DAB1: variants seen among roughly 807,000 people sequenced by gnomAD.
The protein encoded by DAB1 is DAB adaptor protein 1, also known as disabled homolog 1.
Under a neutral mutation model 64.6 loss-of-function variants are expected in DAB1, and 15 were observed. That is an observed-to-expected ratio of 0.23 (90% CI 0.16 to 0.36). The LOEUF (loss-of-function observed/expected upper bound fraction) is 0.36. DAB1 is among the 10% of genes least tolerant of loss of function. DAB1 has a pLI of 1.00. For missense variants in DAB1, 596 were observed against 706.7 expected (o/e 0.84, Z 1.78); for synonymous variants, 235 against 251.9 (o/e 0.93, Z 0.64).
At chr1:58,526,631 A>T (rs58408512) in intron 2 of DAB1, among the ~76,000 whole-genome samples, 1,646 of 150,328 alleles carry the variant, frequency 0.011, 29 homozygotes, top group African/African-American at 0.038. Flanking sequence ...CATCTGCTAC[A>T]ACAAAAATAA....
In DAB1 at chr1:58,025,667, A is replaced by G. The variant is rs920099649; in HGVS notation, n.387+124844T>C. Among the ~76,000 whole-genome samples the G allele has an allele frequency of 3.5e-3, 504 of 144,244 alleles. 4 individuals carry two copies. The highest frequency in any genetic ancestry group is 0.011 in the African/African-American group (450 of 39,418). 94.6% of individuals were successfully genotyped at this position (144,244 alleles called of 152,430 possible). A position where few individuals can be genotyped will look rare whatever the true frequency, so the allele number is the denominator to read the frequency against. ...TATATGTGTGTATATATATATATAT[A>G]TATATATATATATATATATGGCCTT... On this transcript the variant is annotated intron_variant and non_coding_transcript_variant, in intron 5 of 20. Coordinates refer to the DAB1 transcript ENST00000485760.
intron 2 of DAB1, among the ~76,000 whole-genome samples, chr1:57,221,748 A>C (rs1180019222): frequency 6.6e-6 from 1 of 152,178 alleles, no homozygotes; most frequent in Non-Finnish European, 1.5e-5. Context: ...ATTTTCTCAG[A>C]GAAGGGTAAA....
intron 6 of DAB1, among the ~76,000 whole-genome samples, chr1:57,718,407 G>T (rs1269998822): frequency 6.6e-6 from 1 of 152,128 alleles, no homozygotes; most frequent in Non-Finnish European, 1.5e-5. Context: ...GAATACAGAA[G>T]CAAGAAGAAT....
At chr1:57,804,178 A>G (rs910452655) in intron 6 of DAB1, among the ~76,000 whole-genome samples, 1 of 152,236 alleles carries the variant, frequency 6.6e-6, no homozygotes. Context: ...AAATGGGGGC[A>G]CAGGGCTGAA....
At chr1:57,362,480 G>T (rs1679634710) in intron 1 of DAB1, among the ~76,000 whole-genome samples, 1 of 152,052 alleles carries the variant, frequency 6.6e-6, no homozygotes, top group Admixed American at 6.6e-5. Flanking sequence ...GATATGGTTG[G>T]AATGTTTTAA....
chr1:57,094,578 T>C (rs1240065130), intron 4 of DAB1, among the ~76,000 whole-genome samples: 3 of 152,200 alleles, frequency 2.0e-5, no homozygotes, highest in Non-Finnish European at 4.4e-5. Flanking sequence ...CACTTCTAAA[T>C]TACAATTACA....
chr1:57,218,231 G>A (rs1297666688), intron 2 of DAB1, among the ~76,000 whole-genome samples: 1 of 152,150 alleles, frequency 6.6e-6, no homozygotes, highest in Admixed American at 6.5e-5. Context: ...GCATTCCCTG[G>A]CTGTGTGTCC....
intron 4 of DAB1, among the ~76,000 whole-genome samples, chr1:57,073,880 G>A (rs1174348093): frequency 6.6e-6 from 1 of 152,116 alleles, no homozygotes; most frequent in Non-Finnish European, 1.5e-5. Context: ...AGTTTATTTG[G>A]AATTTCTGTT....
intron 7 of DAB1, among the ~76,000 whole-genome samples, chr1:57,456,460 G>A (rs1686596316): frequency 6.6e-6 from 1 of 152,006 alleles, no homozygotes; most frequent in African/African-American, 2.4e-5. Flanking sequence ...AGAATTCAAA[G>A]CATAAAGTAA....
chr1:58,385,763 TC>T (rs1232694047), intron 3 of DAB1, among the ~76,000 whole-genome samples: 1 of 152,214 alleles, frequency 6.6e-6, no homozygotes, highest in African/African-American at 2.4e-5. Context: ...ATCAGACCCT[TC>T]TGCTTCTCAG....
At chr1:57,895,909 C>A (rs780322681) in intron 5 of DAB1, among the ~76,000 whole-genome samples, 50 of 152,142 alleles carry the variant, frequency 3.3e-4, no homozygotes, top group Non-Finnish European at 3.4e-4. Flanking sequence ...TATCAAAACC[C>A]AGTTTTCCTA....
intron 6 of DAB1, among the ~76,000 whole-genome samples, chr1:57,817,474 C>T (rs1172205533): frequency 6.6e-6 from 1 of 152,226 alleles, no homozygotes; most frequent in African/African-American, 2.4e-5. Context: ...CCCTGCAGCT[C>T]TGGAAGATAT....
chr1:57,130,316 T>C (rs180929138), intron 4 of DAB1, among the ~76,000 whole-genome samples: 18 of 152,312 alleles, frequency 1.2e-4, no homozygotes, highest in Non-Finnish European at 2.2e-4. Flanking sequence ...GGTACATTTA[T>C]TATCTCCATC....
rs904182067 is a variant in DAB1, at chr1:58,119,963, C to T, written n.387+30548G>A. On this transcript the variant is annotated intron_variant and non_coding_transcript_variant, in intron 5 of 20. Transcript: ENST00000485760. ...CTCTGCTGCCTCTCACCTTCCTTCC[C>T]ACCCTATCCCCACATTCCAAAATTT... Among the ~76,000 whole-genome samples, 4 of 152,286 alleles carry T rather than the reference C, an allele frequency of 2.6e-5. No homozygotes were observed. In the East Asian group the frequency reaches 7.7e-4, roughly 29 times the overall value.
chr1:58,107,869 G>A lies in DAB1; in HGVS notation n.387+42642C>T, dbSNP rs913245962. On this transcript the variant is annotated intron_variant and non_coding_transcript_variant, in intron 5 of 20. Transcript: ENST00000485760. ...TGACCTCAGATGATCCACCCACCTT[G>A]GCCTCTCAAAGTGCTGGGATTACAG... 1.3e-4 allele frequency among the ~76,000 whole-genome samples: 20 copies of A among 152,068 alleles called. 1 individual carries two copies. The highest frequency in any genetic ancestry group is 4.8e-4 in the African/African-American group (20 of 41,480).
At chr1:58,037,576 G>A (rs1038211605) in intron 5 of DAB1, among the ~76,000 whole-genome samples, 3 of 152,142 alleles carry the variant, frequency 2.0e-5, no homozygotes, top group Non-Finnish European at 2.9e-5. Context: ...AGAATTTGAT[G>A]CCTGATTGAG....
At chr1:57,254,350 A>G (rs1669597098) in intron 2 of DAB1, among the ~76,000 whole-genome samples, 1 of 152,238 alleles carries the variant, frequency 6.6e-6, no homozygotes. Context: ...AAATGTAGAA[A>G]AGATATTTCA....
chr1:58,438,895 C>T (rs772750938), intron 3 of DAB1, among the ~76,000 whole-genome samples: 40 of 152,188 alleles, frequency 2.6e-4, no homozygotes, highest in Non-Finnish European at 5.3e-4. Context: ...AAACCACTTG[C>T]GTCTGAATCC....
chr1:58,422,635 C>T (rs1371207081), intron 3 of DAB1, among the ~76,000 whole-genome samples: 5 of 145,224 alleles, frequency 3.4e-5, no homozygotes, highest in African/African-American at 1.0e-4. Context: ...GACAGAGTCA[C>T]GTTCTGTCGC....
Sources: gnomAD v4.1 joint callset for allele counts (sites outside exome capture counted in the v4.1 genomes callset) on GRCh38, gnomAD v4.1.1 for gene constraint, MANE v1.5 for transcripts, NCBI Gene and HGNC (gene_info 2026-07-23, HGNC 2026-07-21) for gene names.